The following SLC20A2 variants were observed in gnomAD, a reference collection of about 807,000 sequenced individuals.
SLC20A2 encodes the protein sodium-dependent phosphate transporter 2.
A neutral mutation model predicts 61.0 loss-of-function variants in SLC20A2; 30 were observed. The observed-to-expected ratio is 0.49, with a 90% confidence interval of 0.37 to 0.67. The LOEUF is 0.67. Among genes scored for constraint, SLC20A2 ranks in the 30% least tolerant of loss-of-function variants. The pLI is 0.00. For synonymous variants in SLC20A2, 351 were observed against 353.3 expected, an observed-to-expected ratio of 0.99 and a Z score of 0.07; for missense variants, 626 against 866.4, an observed-to-expected ratio of 0.72 and a Z score of 3.48.
chr8:42,533,654 C>CTTTTTTTT (rs1162369065), intron 1 of SLC20A2, among the ~76,000 whole-genome samples: 11 of 55,310 alleles, frequency 2.0e-4, no homozygotes, highest in African/African-American at 5.7e-4. Context: ...ATCAACTGTT[C>CTTTTTTTT]TTTTTTTTTT....
At chr8:42,442,152 C>T (rs1474343757) in intron 6 of SLC20A2, among the ~76,000 whole-genome samples, 8 of 152,116 alleles carry the variant, frequency 5.3e-5, no homozygotes, top group African/African-American at 1.4e-4. Flanking sequence ...AGGCTGATCT[C>T]GAACTCCCGA....
chr8:42,484,324 C>T (rs1288077292), intron 1 of SLC20A2, among the ~76,000 whole-genome samples: 3 of 152,096 alleles, frequency 2.0e-5, no homozygotes, highest in Non-Finnish European at 4.4e-5. Flanking sequence ...GTCCCAAGAG[C>T]GTTCATTTGA....
chr8:42,474,522 T>C (rs1807902434), intron 1 of SLC20A2, among the ~76,000 whole-genome samples: 1 of 151,896 alleles, frequency 6.6e-6, no homozygotes. Flanking sequence ...ACTGAAAGAG[T>C]ATTTTATTAA....
At chr8:42,525,650 T>C (rs1441138879) in intron 1 of SLC20A2, among the ~76,000 whole-genome samples, 1 of 151,946 alleles carries the variant, frequency 6.6e-6, no homozygotes, top group African/African-American at 2.4e-5. Flanking sequence ...ATCGACAATT[T>C]TCATAAATGT....
intron 5 of SLC20A2, among the ~76,000 whole-genome samples, chr8:42,451,550 G>T (rs1360924239): frequency 4.8e-5 from 7 of 145,166 alleles, no homozygotes; most frequent in African/African-American, 1.8e-4. Flanking sequence ...AGGAGGAAAA[G>T]ATGGAGGAGG....
chr8:42,515,655 C>A (rs1237679601), intron 1 of SLC20A2, among the ~76,000 whole-genome samples: 1 of 152,130 alleles, frequency 6.6e-6, no homozygotes, highest in Non-Finnish European at 1.5e-5. Flanking sequence ...TAACCCACCC[C>A]TTCCCCGCAC....
intron 1 of SLC20A2, among the ~76,000 whole-genome samples, chr8:42,477,841 GA>G (rs910585502): frequency 9.3e-5 from 14 of 151,338 alleles, no homozygotes; most frequent in Admixed American, 8.6e-4. Context: ...AGGGCGCTAA[GA>G]AAAAAACCAC....
intron 1 of SLC20A2, among the ~76,000 whole-genome samples, chr8:42,540,755 A>G (rs1306174359): frequency 2.0e-5 from 3 of 152,228 alleles, no homozygotes; most frequent in Non-Finnish European, 4.4e-5. Flanking sequence ...AACTACGTGG[A>G]CCAGTGGCCA....
chr8:42,423,094 G>A (rs1412767183), intron 10 of SLC20A2, among the ~76,000 whole-genome samples: 1 of 151,820 alleles, frequency 6.6e-6, no homozygotes, highest in Non-Finnish European at 1.5e-5. Flanking sequence ...TTTCATCTTA[G>A]CATAACTTGG....
At chr8:42,428,893 C>A in intron 9 of SLC20A2, 51 bp from the exon 10 acceptor site, 1 of 1,454,392 alleles carries the variant, frequency 6.9e-7, no homozygotes. Context: ...ATCAGCCTCC[C>A]TGACACCCCG....
At chr8:42,465,972 C>G in intron 2 of SLC20A2, 55 bp from the exon 3 acceptor site, 1 of 1,478,324 alleles carries the variant, frequency 6.8e-7, no homozygotes, top group East Asian at 2.4e-5. Flanking sequence ...GTGCAGACAC[C>G]AAGGGAAGAA....
At chr8:42,533,261 C>CA (rs1812454305) in intron 1 of SLC20A2, among the ~76,000 whole-genome samples, 1 of 152,166 alleles carries the variant, frequency 6.6e-6, no homozygotes, top group African/African-American at 2.4e-5. Context: ...CAGCTGAAAA[C>CA]AATGACATGC....
At chr8:42,430,284 TATGC>T in intron 8 of SLC20A2, 35 bp from the exon 9 acceptor site, 1 of 1,563,240 alleles carries the variant, frequency 6.4e-7, no homozygotes, top group Non-Finnish European at 8.7e-7. Flanking sequence ...ATTAACTATA[TATGC>T]AAGCGGCAAT....
upstream of SLC20A2, chr8:42,502,394 T>C (rs1057370279): frequency 1.3e-5 from 2 of 152,262 alleles, no homozygotes; most frequent in African/African-American, 4.8e-5. Flanking sequence ...ATGCCAGGCC[T>C]GAACCCCAGG....
chr8:42,530,168 T>C (rs1812232652), intron 1 of SLC20A2, among the ~76,000 whole-genome samples: 1 of 152,096 alleles, frequency 6.6e-6, no homozygotes, highest in Admixed American at 6.5e-5. Context: ...ATTTATCAGA[T>C]GGTATACAGG....
intron 1 of SLC20A2, among the ~76,000 whole-genome samples, chr8:42,498,301 T>C (rs929202272): frequency 6.6e-6 from 1 of 152,136 alleles, no homozygotes; most frequent in Non-Finnish European, 1.5e-5. Context: ...CCCCATCACT[T>C]CCCAGCTATG....
intron 1 of SLC20A2, among the ~76,000 whole-genome samples, chr8:42,498,557 G>T (rs1218243836): frequency 6.6e-6 from 1 of 152,086 alleles, no homozygotes; most frequent in Non-Finnish European, 1.5e-5. Flanking sequence ...CACCGCATGT[G>T]CTGTGGGGTG....
intron 1 of SLC20A2, among the ~76,000 whole-genome samples, chr8:42,490,467 T>C (rs1809428379): frequency 6.6e-6 from 1 of 152,136 alleles, no homozygotes; most frequent in Non-Finnish European, 1.5e-5. Context: ...CATGGTGGCA[T>C]GCACCTGTAA....
chr8:42,488,008 T>C (rs929600004), intron 1 of SLC20A2, among the ~76,000 whole-genome samples: 5 of 152,284 alleles, frequency 3.3e-5, no homozygotes, highest in South Asian at 2.1e-4. Context: ...TTTGTCCTTT[T>C]GTGACTGGCT....
Sources: gnomAD v4.1 joint callset for allele counts (sites outside exome capture counted in the v4.1 genomes callset) on GRCh38, gnomAD v4.1.1 for gene constraint, MANE v1.5 for transcripts, NCBI Gene and HGNC (gene_info 2026-07-23, HGNC 2026-07-21) for gene names.